Variants in PPP2R2D observed in about 807,000 individuals in gnomAD.
The protein encoded by PPP2R2D is protein phosphatase 2 regulatory subunit Bdelta.
Under a neutral mutation model 31.1 loss-of-function variants are expected in PPP2R2D, and 9 were observed. That is an observed-to-expected ratio of 0.29 (90% CI 0.17 to 0.51). The LOEUF (loss-of-function observed/expected upper bound fraction) is 0.51, where lower values mean the gene tolerates loss of function less well. Among genes scored for constraint, PPP2R2D ranks in the 20% least tolerant of loss-of-function variants. The probability of loss-of-function intolerance (pLI) is 0.98; values close to 1 mark genes in which losing one functional copy is unlikely to be tolerated. For synonymous variants in PPP2R2D, 179 were observed against 172.6 expected (o/e 1.04, Z -0.29); for missense variants, 391 against 465.6 (o/e 0.84, Z 1.48).
intron 2 of PPP2R2D, among the ~76,000 whole-genome samples, chr10:131,916,778 A>G (rs1319704464): frequency 1.6e-4 from 24 of 146,814 alleles, no homozygotes; most frequent in Non-Finnish European, 2.7e-4. Flanking sequence ...CAGTGTAGGG[A>G]CCTCACGCAG....
intron 4 of PPP2R2D, among the ~76,000 whole-genome samples, 168 bp downstream of exon 4, chr10:131,940,364 A>G (rs576881828): frequency 1.3e-5 from 2 of 152,326 alleles, no homozygotes; most frequent in African/African-American, 2.4e-5. Flanking sequence ...AGTATGCAAC[A>G]AAAACCACAC....
Position 131,957,490 on chromosome 10 carries a change from G to C in PPP2R2D, c.*1527G>C. 1 of 189,178 alleles carries C rather than the reference G, an allele frequency of 5.3e-6. No individual in the cohort carries two copies. Among genetic ancestry groups the C allele is most frequent in the South Asian group, 7.8e-5 (1 of 12,902 alleles). The allele number at this position is 189,178 out of a possible 1,614,324, so 11.7% of individuals were successfully genotyped here. A position where few individuals can be genotyped will look rare whatever the true frequency, so the allele number is the denominator to read the frequency against. ...TTCCTCATGCCCCTGTCTGGATGAAGGTGTGTGCTGATCCCCCGTCCCCCT... is the reference window on the plus strand; with the variant it reads ...TTCCTCATGCCCCTGTCTGGATGAACGTGTGTGCTGATCCCCCGTCCCCCT... On this transcript the variant is annotated 3_prime_UTR_variant, in exon 9 of 9. Transcript: ENST00000455566.
In PPP2R2D at chr10:131,901,160, G is replaced by A. The variant is rs1474819787; in HGVS notation, c.7+5G>A. 3.2e-6 allele frequency: 1 copy of A among 308,470 alleles called. No individual in the cohort carries two copies. The highest frequency in any genetic ancestry group is 5.9e-6 in the Non-Finnish European group (1 of 169,070). 19.1% of individuals were successfully genotyped at this position (308,470 alleles called of 1,614,324 possible). On this transcript the variant is annotated splice_donor_5th_base_variant and intron_variant, in intron 1 of 8. Transcript: ENST00000455566. ...CGCCGCCGGCTGCCATGGCAGGTGA[G>A]GGGTCTGCGCGGGCCGGCGGGGACC...
At chr10:131,948,427 TC>T (rs782410790) in intron 8 of PPP2R2D, among the ~76,000 whole-genome samples, 2 of 152,196 alleles carry the variant, frequency 1.3e-5, no homozygotes, top group East Asian at 1.9e-4. Context: ...TGTTCAGAAT[TC>T]AAGAGAACAG....
chr10:131,963,681 G>T (rs1383964293), downstream of PPP2R2D, among the ~76,000 whole-genome samples: 1 of 152,228 alleles, frequency 6.6e-6, no homozygotes, highest in African/African-American at 2.4e-5. Flanking sequence ...AAGCCCCCAG[G>T]CAGCGCGCTG....
At chr10:131,913,653 G>GGCGATTTTGGCAT (rs2119753753) in intron 2 of PPP2R2D, among the ~76,000 whole-genome samples, 1 of 152,284 alleles carries the variant, frequency 6.6e-6, no homozygotes, top group East Asian at 1.9e-4. Flanking sequence ...TGTGTCGTTA[G>GGCGATTTTGGCAT]GCGATTTTGG....
At chr10:131,944,863 A>C (rs1157895562) in intron 6 of PPP2R2D, among the ~76,000 whole-genome samples, 1 of 152,158 alleles carries the variant, frequency 6.6e-6, no homozygotes, top group Non-Finnish European at 1.5e-5. Flanking sequence ...AGCTACACAG[A>C]ATAAGCTCTT....
intron 3 of PPP2R2D, among the ~76,000 whole-genome samples, chr10:131,935,812 C>G (rs1223412058): frequency 1.3e-5 from 2 of 152,108 alleles, no homozygotes; most frequent in East Asian, 1.9e-4. Flanking sequence ...GCCTGTAATC[C>G]CAGCAATTTG....
intron 2 of PPP2R2D, among the ~76,000 whole-genome samples, chr10:131,906,869 AG>A (rs1224539686): frequency 6.6e-6 from 1 of 151,750 alleles, no homozygotes; most frequent in Non-Finnish European, 1.5e-5. Context: ...TGAGCCAGGG[AG>A]GTTGAGGCTG....
At chr10:131,907,830 A>T (rs1266735266) in intron 2 of PPP2R2D, among the ~76,000 whole-genome samples, 1 of 152,058 alleles carries the variant, frequency 6.6e-6, no homozygotes, top group Admixed American at 6.5e-5. Flanking sequence ...TCATCGTTAC[A>T]TCGTGAAGTT....
chr10:131,932,163 G>A (rs1321023513), intron 2 of PPP2R2D, among the ~76,000 whole-genome samples: 11 of 152,132 alleles, frequency 7.2e-5, no homozygotes, highest in African/African-American at 1.7e-4. Context: ...GATGGGACCC[G>A]GATGTTGAAT....
chr10:131,921,439 A>G (rs1434864268), intron 2 of PPP2R2D, among the ~76,000 whole-genome samples: 1 of 152,134 alleles, frequency 6.6e-6, no homozygotes, highest in East Asian at 1.9e-4. Context: ...GCTTCCCTGA[A>G]CAAGGAACCC....
In PPP2R2D at chr10:131,944,042, T is replaced by C. The variant is rs1260881221; in HGVS notation, c.552T>C (p.Tyr184=). 1 of 1,577,824 alleles carries C rather than the reference T, an allele frequency of 6.3e-7. No individual in the cohort carries two copies. The highest frequency in any genetic ancestry group is 1.1e-5 in the South Asian group (1 of 90,218). ...PRRIFANAHT[Y]HINSISVNSD... ...GAATTTTTGCAAATGCTCACACATA[T>C]CATATAAATTCCATTTCAGTAAATA... is the stretch of plus-strand genomic sequence containing the variant. Residue 184 remains tyrosine, a synonymous_variant, in exon 6 of 9, where the codon TAT becomes TAC. Transcript: ENST00000455566.
chr10:131,938,756 G>A lies in PPP2R2D; in HGVS notation c.199-1275G>A, dbSNP rs184572471. On this transcript the variant is annotated intron_variant, in intron 3 of 8. Coordinates refer to ENST00000455566, the MANE Select transcript of PPP2R2D (RefSeq NM_018461.5). Reference sequence around the variant, plus strand: ...CTGGCTCATTTATCTCAGCGGCTTCGTGGTGGTCCCTGCATGGCCCTGTGG... The same window carrying A: ...CTGGCTCATTTATCTCAGCGGCTTCATGGTGGTCCCTGCATGGCCCTGTGG... Among the ~76,000 whole-genome samples the A allele has an allele frequency of 2.0e-3, 302 of 152,292 alleles. 4 individuals carry two copies. The highest frequency in any genetic ancestry group is 6.9e-3 in the African/African-American group (285 of 41,550).
Position 131,932,087 on chromosome 10 carries a change from A to G in PPP2R2D, c.101-2371A>G, listed in dbSNP as rs559593798. Among the ~76,000 whole-genome samples the G allele has an allele frequency of 3.3e-5, 5 of 152,300 alleles. No individual in the cohort carries two copies. The South Asian group carries it at 1.0e-3, about 32-fold the overall frequency. ...GGGTAAAGGAGATGAACACACACGCATGGCCCACCATGTTCGGCGGGAGGT... is the reference window on the plus strand; with the variant it reads ...GGGTAAAGGAGATGAACACACACGCGTGGCCCACCATGTTCGGCGGGAGGT... On this transcript the variant is annotated intron_variant, in intron 2 of 8. Coordinates refer to ENST00000455566, the MANE Select transcript of PPP2R2D (RefSeq NM_018461.5).
intron 2 of PPP2R2D, among the ~76,000 whole-genome samples, chr10:131,902,548 A>C (rs901409061): frequency 2.6e-5 from 4 of 152,150 alleles, no homozygotes; most frequent in African/African-American, 9.7e-5. Context: ...TTGAGATTAA[A>C]ACTAGGTGCA....
intron 8 of PPP2R2D, among the ~76,000 whole-genome samples, chr10:131,953,285 A>T (rs370354230): frequency 2.6e-4 from 15 of 57,890 alleles, no homozygotes; most frequent in South Asian, 1.5e-3. Flanking sequence ...ACTTGCAGGT[A>T]TGCGGGGGTT....
At chr10:131,961,555 G>A (rs1001351844), downstream of PPP2R2D, among the ~76,000 whole-genome samples, 5 of 152,190 alleles carry the variant, frequency 3.3e-5, no homozygotes, top group South Asian at 2.1e-4. Context: ...TTTGAGCTCC[G>A]TGCCTCTGTG....
the PPP2R2D span, among the ~76,000 whole-genome samples, chr10:131,966,091 T>G: frequency 6.6e-6 from 1 of 152,196 alleles, no homozygotes; most frequent in Non-Finnish European, 1.5e-5. Context: ...TAGAAGTGGT[T>G]TGTGTGTCCA....
Sources: gnomAD v4.1 joint callset for allele counts (sites outside exome capture counted in the v4.1 genomes callset) on GRCh38, gnomAD v4.1.1 for gene constraint, MANE v1.5 for transcripts, NCBI Gene and HGNC (gene_info 2026-07-23, HGNC 2026-07-21) for gene names.